IGF1R: variants seen among roughly 807,000 people sequenced by gnomAD.
IGF1R encodes insulin-like growth factor 1 receptor.
Under a neutral mutation model 144.6 loss-of-function variants are expected in IGF1R, and 44 were observed. The ratio of observed to expected loss-of-function variants is 0.30; its 90% confidence interval spans 0.24 to 0.39. IGF1R has a LOEUF of 0.39. Ranked by LOEUF, IGF1R falls within the 10% of genes least tolerant of loss-of-function variation. The pLI, the probability that IGF1R is intolerant of heterozygous loss-of-function variation, is 1.00. For synonymous variants in IGF1R, 795 were observed against 722.8 expected, an observed-to-expected ratio of 1.10 and a Z score of -1.60; for missense variants, 1,355 against 1,833.7, an observed-to-expected ratio of 0.74 and a Z score of 4.77.
At chr15:98,710,716 G>A (rs192123960) in intron 2 of IGF1R, among the ~76,000 whole-genome samples, 17 of 150,592 alleles carry the variant, frequency 1.1e-4, no homozygotes, top group African/African-American at 3.9e-4. Context: ...ACCCAGGCTG[G>A]AGTGCAGCGG....
intron 17 of IGF1R, among the ~76,000 whole-genome samples, chr15:98,936,866 T>C (rs2016172133): frequency 6.6e-6 from 1 of 152,080 alleles, no homozygotes; most frequent in African/African-American, 2.4e-5. Flanking sequence ...ACTCACTTTC[T>C]CTGGCCCTCT....
intron 5 of IGF1R, among the ~76,000 whole-genome samples, chr15:98,903,766 A>G (rs2014594343): frequency 6.6e-6 from 1 of 152,266 alleles, no homozygotes; most frequent in Admixed American, 6.5e-5. Context: ...GAAGTATGAC[A>G]CGTGTTACAA....
chr15:98,741,394 AG>A (rs1313782350), intron 2 of IGF1R, among the ~76,000 whole-genome samples: 1 of 151,878 alleles, frequency 6.6e-6, no homozygotes, highest in East Asian at 1.9e-4. Flanking sequence ...TTTTGGAAAT[AG>A]TTTTGCCATT....
intron 1 of IGF1R, among the ~76,000 whole-genome samples, chr15:98,705,369 G>A (rs564894091): frequency 2.6e-4 from 40 of 152,274 alleles, no homozygotes; most frequent in African/African-American, 9.1e-4. Context: ...AGGTGAGGGT[G>A]CTGAGAGGTG....
chr15:98,907,236 C>T (rs888133491), intron 5 of IGF1R, among the ~76,000 whole-genome samples: 1 of 152,212 alleles, frequency 6.6e-6, no homozygotes, highest in Non-Finnish European at 1.5e-5. Flanking sequence ...TGCTTGGCAG[C>T]ATTGTAACCA....
chr15:98,752,930 CTATTTTTTTT>C (rs2055051252), intron 2 of IGF1R, among the ~76,000 whole-genome samples: 5 of 130,420 alleles, frequency 3.8e-5, no homozygotes, highest in Admixed American at 8.1e-5. Context: ...GAAAATCATA[CTATTTTTTTT>C]TTTTTTTTTT....
intron 2 of IGF1R, among the ~76,000 whole-genome samples, chr15:98,880,284 C>T (rs911831424): frequency 2.6e-5 from 4 of 152,180 alleles, no homozygotes; most frequent in Admixed American, 6.5e-5. Flanking sequence ...TCTCTTTACC[C>T]TTACTAATTA....
chr15:98,706,839 T>C (rs1195862796), intron 1 of IGF1R, among the ~76,000 whole-genome samples: 1 of 151,860 alleles, frequency 6.6e-6, no homozygotes, highest in African/African-American at 2.4e-5. Context: ...TTTTTTTTTT[T>C]GGTTATTACC....
rs56344805 is a variant in IGF1R at position 98,795,403 on chromosome 15, T to TTTTTGTTTTGTTTTGTTTTG, written c.640+87307_640+87326dup. Among the ~76,000 whole-genome samples, 635 of 151,478 alleles carry TTTTTGTTTTGTTTTGTTTTG rather than the reference T, an allele frequency of 4.2e-3. 4 individuals carry two copies. Among genetic ancestry groups the TTTTTGTTTTGTTTTGTTTTG allele is most frequent in the South Asian group, 6.9e-3 (33 of 4,800 alleles). On this transcript the variant is annotated intron_variant, in intron 2 of 20. Transcript: ENST00000650285. Reference sequence around the variant, plus strand: ...GCATTATTATGTGTTTCTTTCTTGTTTTTTGTTTTGTTTTGTTTTGTTTTG... The same window carrying TTTTTGTTTTGTTTTGTTTTG: ...GCATTATTATGTGTTTCTTTCTTGTTTTTTGTTTTGTTTTGTTTTGTTTTGTTTTGTTTTGTTTTGTTTTG...
rs2017127031 is a variant in IGF1R, at chr15:98,959,143, T to G, written c.*1701T>G. The G allele has an allele frequency of 4.3e-6, 1 of 233,452 alleles. No homozygotes were observed. The highest frequency in any genetic ancestry group is 6.0e-5 in the East Asian group (1 of 16,590). The allele number at this position is 233,452 out of a possible 1,614,324, so 14.5% of individuals were successfully genotyped here. A position where few individuals can be genotyped will look rare whatever the true frequency, so the allele number is the denominator to read the frequency against. ...TGTTCAGTGTTTCCACTCACCGTGGTTGAGAAGCCTCACCCTCTCTTTCCC... is the reference window on the plus strand; with the variant it reads ...TGTTCAGTGTTTCCACTCACCGTGGGTGAGAAGCCTCACCCTCTCTTTCCC... On this transcript the variant is annotated 3_prime_UTR_variant, in exon 21 of 21. Coordinates refer to ENST00000650285, the MANE Select transcript of IGF1R (RefSeq NM_000875.5).
chr15:98,917,481 C>T (rs1280317885), intron 10 of IGF1R, among the ~76,000 whole-genome samples: 1 of 152,244 alleles, frequency 6.6e-6, no homozygotes, highest in African/African-American at 2.4e-5. Context: ...AGGGACTCTG[C>T]TCCTCTGCTG....
At chr15:98,914,312 C>G (rs1195005556) in intron 8 of IGF1R, among the ~76,000 whole-genome samples, 1 of 152,220 alleles carries the variant, frequency 6.6e-6, no homozygotes, top group African/African-American at 2.4e-5. Flanking sequence ...GATAAACATT[C>G]TTTGATAATA....
chr15:98,854,969 A>C (rs1596362902), intron 2 of IGF1R, among the ~76,000 whole-genome samples: 1 of 149,738 alleles, frequency 6.7e-6, no homozygotes, highest in East Asian at 2.0e-4. Flanking sequence ...GGAGTACCTT[A>C]CCCTGCCTTC....
chr15:98,669,455 G>A (rs2052830409), intron 1 of IGF1R, among the ~76,000 whole-genome samples: 1 of 152,186 alleles, frequency 6.6e-6, no homozygotes, highest in Admixed American at 6.5e-5. Context: ...AGGCCAGTGT[G>A]CCACCTTTTC....
At chr15:98,951,621 C>T (rs1398748630) in intron 20 of IGF1R, among the ~76,000 whole-genome samples, 3 of 152,254 alleles carry the variant, frequency 2.0e-5, no homozygotes, top group Non-Finnish European at 2.9e-5. Flanking sequence ...GCCGGGGCTG[C>T]AGTCATCTGA....
At chr15:98,790,491 G>C (rs545627028) in intron 2 of IGF1R, among the ~76,000 whole-genome samples, 1 of 152,130 alleles carries the variant, frequency 6.6e-6, no homozygotes, top group African/African-American at 2.4e-5. Context: ...TGGTATAGCG[G>C]GGGAGCAGGG....
intron 2 of IGF1R, among the ~76,000 whole-genome samples, chr15:98,774,900 G>T (rs1261068141): frequency 3.3e-5 from 5 of 152,052 alleles, no homozygotes; most frequent in South Asian, 2.1e-4. Flanking sequence ...AGTAGTACTC[G>T]ACTCATTATT....
At chr15:98,770,396 A>G (rs2055555247) in intron 2 of IGF1R, among the ~76,000 whole-genome samples, 1 of 152,222 alleles carries the variant, frequency 6.6e-6, no homozygotes, top group Non-Finnish European at 1.5e-5. Flanking sequence ...GATAGAGGGA[A>G]TACATTCTAA....
chr15:98,804,955 C>T (rs2056440775), intron 2 of IGF1R, among the ~76,000 whole-genome samples: 1 of 152,270 alleles, frequency 6.6e-6, no homozygotes, highest in Non-Finnish European at 1.5e-5. Context: ...CTTGGCCTCC[C>T]AAAGTGCTGG....
Sources: gnomAD v4.1 joint callset for allele counts (sites outside exome capture counted in the v4.1 genomes callset) on GRCh38, gnomAD v4.1.1 for gene constraint, MANE v1.5 for transcripts, NCBI Gene and HGNC (gene_info 2026-07-23, HGNC 2026-07-21) for gene names.